Variants in CEP128 observed in about 807,000 individuals in gnomAD.
CEP128 encodes the protein centrosomal protein 128.
In CEP128, 132 loss-of-function variants were observed where a neutral mutation model predicts 156.7. The ratio of observed to expected loss-of-function variants is 0.84; its 90% CI spans 0.73 to 0.97. CEP128 has a LOEUF of 0.97. Ranked by LOEUF, CEP128 falls within the 50% of genes least tolerant of loss-of-function variation. The pLI, the probability that CEP128 is intolerant of heterozygous loss-of-function variation, is 0.00. For missense variants in CEP128, 1,252 were observed against 1,281.9 expected (o/e 0.98, Z 0.36); for synonymous variants, 469 against 448.9 (o/e 1.04, Z -0.57).
At chr14:80,487,134 T>C (rs1016230453), downstream of CEP128, among the ~76,000 whole-genome samples, 2 of 151,934 alleles carry the variant, frequency 1.3e-5, no homozygotes, top group Non-Finnish European at 1.5e-5. Context: ...GAAACCCATC[T>C]CACGTGCAGA....
chr14:80,529,440 A>G (rs1889126945), intron 22 of CEP128, among the ~76,000 whole-genome samples: 1 of 152,208 alleles, frequency 6.6e-6, no homozygotes, highest in Admixed American at 6.5e-5. Flanking sequence ...TTTTGGTAAT[A>G]GTAGAGAATA....
intron 24 of CEP128, among the ~76,000 whole-genome samples, chr14:80,501,175 A>G (rs1279588259): frequency 1.3e-5 from 2 of 152,166 alleles, no homozygotes; most frequent in Non-Finnish European, 2.9e-5. Context: ...AAAAGTAGCT[A>G]GAAGAATAAA....
At chr14:80,626,758 C>T (rs1259680748) in intron 19 of CEP128, among the ~76,000 whole-genome samples, 2 of 152,052 alleles carry the variant, frequency 1.3e-5, no homozygotes, top group East Asian at 1.9e-4. Flanking sequence ...GGTGAAACTC[C>T]GTCTCTACTA....
intron 24 of CEP128, among the ~76,000 whole-genome samples, chr14:80,502,889 A>T (rs965236212): frequency 3.3e-5 from 5 of 152,176 alleles, no homozygotes; most frequent in Admixed American, 2.6e-4. Flanking sequence ...TATTCAGGGT[A>T]ATCCTAATGT....
At chr14:80,627,195 T>G (rs975284594) in intron 19 of CEP128, among the ~76,000 whole-genome samples, 17 of 152,190 alleles carry the variant, frequency 1.1e-4, no homozygotes, top group Non-Finnish European at 1.5e-4. Context: ...TAGAACATAA[T>G]AGCTTAGAAT....
At chr14:80,875,833 C>A (rs1045875461) in intron 8 of CEP128, among the ~76,000 whole-genome samples, 2 of 152,002 alleles carry the variant, frequency 1.3e-5, no homozygotes, top group African/African-American at 4.8e-5. Flanking sequence ...CTGAAAAATG[C>A]AGGAAGGACT....
chr14:80,777,994 T>C lies in CEP128; in HGVS notation c.2264A>G (p.Glu755Gly). ...NMAKIHRGQL[E>G]KLKSQCDRLT... Reference sequence around the variant, plus strand: ...TCTGTCACACTGTGATTTCAACTTCTCCAGCTGACCACGATGAATTTTAGC... The same window carrying C: ...TCTGTCACACTGTGATTTCAACTTCCCCAGCTGACCACGATGAATTTTAGC... Residue 755 changes from glutamate to glycine, a missense_variant, in exon 16 of 25, where the codon GAG becomes GGG. By Grantham distance (98) the Glu-to-Gly change is moderately conservative. Transcript: ENST00000555265. 6.2e-7 allele frequency: 1 copy of C among 1,613,692 alleles called. No homozygotes were observed. The highest frequency in any genetic ancestry group is 1.7e-5 in the Admixed American group (1 of 60,018).
intron 24 of CEP128, among the ~76,000 whole-genome samples, chr14:80,499,769 T>C (rs1192401420): frequency 3.3e-5 from 5 of 152,074 alleles, no homozygotes; most frequent in African/African-American, 1.2e-4. Flanking sequence ...TATCCTGGAG[T>C]TGTGTTCCTT....
chr14:80,635,328 C>T (rs1894135282), intron 19 of CEP128, among the ~76,000 whole-genome samples: 1 of 152,110 alleles, frequency 6.6e-6, no homozygotes, highest in Non-Finnish European at 1.5e-5. Flanking sequence ...ATGCACAGTA[C>T]ATTATAAGAT....
chr14:80,887,352 T>C (rs907536061), intron 8 of CEP128, among the ~76,000 whole-genome samples: 2 of 152,190 alleles, frequency 1.3e-5, no homozygotes, highest in African/African-American at 4.8e-5. Context: ...ATAGCACTTA[T>C]TATAAAATTG....
chr14:80,663,170 T>G (rs1453237789), intron 19 of CEP128, among the ~76,000 whole-genome samples: 1 of 152,168 alleles, frequency 6.6e-6, no homozygotes, highest in Non-Finnish European at 1.5e-5. Flanking sequence ...TCTAGGATAT[T>G]GTCAGCCTCA....
chr14:80,735,110 T>C (rs543990997), intron 19 of CEP128, among the ~76,000 whole-genome samples: 2 of 152,266 alleles, frequency 1.3e-5, no homozygotes, highest in East Asian at 3.9e-4. Context: ...CTCTGTTTCT[T>C]ATTTTTTTTC....
chr14:80,932,648 T>A (rs1400347796), intron 2 of CEP128, among the ~76,000 whole-genome samples: 2 of 152,174 alleles, frequency 1.3e-5, no homozygotes, highest in Non-Finnish European at 2.9e-5. Context: ...CGGGACTGTC[T>A]AGTTGCAGGA....
At chr14:80,559,777 C>A (rs929546588) in intron 20 of CEP128, among the ~76,000 whole-genome samples, 3 of 152,114 alleles carry the variant, frequency 2.0e-5, no homozygotes, top group Non-Finnish European at 2.9e-5. Flanking sequence ...ATGAGTAAAT[C>A]ATTATTGAAA....
intron 14 of CEP128, among the ~76,000 whole-genome samples, chr14:80,484,052 C>A (rs1175637945): frequency 6.6e-6 from 1 of 152,146 alleles, no homozygotes; most frequent in African/African-American, 2.4e-5. Context: ...TCACAGCTCA[C>A]TGCAGCCTTG....
chr14:80,781,282 C>T (rs1002689263), intron 15 of CEP128, among the ~76,000 whole-genome samples: 1 of 151,898 alleles, frequency 6.6e-6, no homozygotes, highest in Non-Finnish European at 1.5e-5. Context: ...CATTGTGAAA[C>T]CCCATCTCTA....
chr14:80,524,954 A>G (rs10498539), intron 23 of CEP128, among the ~76,000 whole-genome samples: 8,078 of 152,278 alleles, frequency 0.053, 484 homozygotes, highest in African/African-American at 0.15. Flanking sequence ...AATTTTAAAC[A>G]GAACTCCGAT....
chr14:80,872,250 G>A (rs1888064750), intron 8 of CEP128, among the ~76,000 whole-genome samples: 1 of 151,960 alleles, frequency 6.6e-6, no homozygotes, highest in African/African-American at 2.4e-5. Flanking sequence ...ATGGTATAAG[G>A]CCTATGCAAT....
At chr14:80,599,006 T>A (rs1475792881) in intron 19 of CEP128, among the ~76,000 whole-genome samples, 1 of 152,230 alleles carries the variant, frequency 6.6e-6, no homozygotes, top group African/African-American at 2.4e-5. Flanking sequence ...ACAATGATTT[T>A]ATAAGATATT....
Sources: allele counts gnomAD v4.1 joint callset (sites outside exome capture counted in the v4.1 genomes callset), GRCh38; gene constraint gnomAD v4.1.1; transcripts MANE v1.5; gene names NCBI Gene and HGNC (gene_info 2026-07-23, HGNC 2026-07-21).